SRPK2: variants seen among roughly 807,000 people sequenced by gnomAD.
SRPK2 encodes SRSF protein kinase 2.
Under a neutral mutation model 90.8 loss-of-function variants are expected in SRPK2, and 21 were observed. That is an observed-to-expected ratio of 0.23 (90% CI 0.16 to 0.33). The LOEUF (loss-of-function observed/expected upper bound fraction) is 0.33. Ranked by LOEUF, SRPK2 falls within the 10% of genes least tolerant of loss-of-function variation. The pLI, the probability that SRPK2 is intolerant of heterozygous loss-of-function variation, is 1.00. For synonymous variants in SRPK2, 288 were observed against 311.1 expected (o/e 0.93, Z 0.78); for missense variants, 620 against 869.0 (o/e 0.71, Z 3.60).
chr7:105,346,197 A>C (rs1204078), intron 2 of SRPK2, among the ~76,000 whole-genome samples: 1 of 151,852 alleles, frequency 6.6e-6, no homozygotes, highest in African/African-American at 2.4e-5. Context: ...AAAGTTTTTT[A>C]AAAAATTCCT....
chr7:105,166,757 TAG>T (rs1257288804), intron 6 of SRPK2, among the ~76,000 whole-genome samples: 1 of 152,180 alleles, frequency 6.6e-6, no homozygotes, highest in Non-Finnish European at 1.5e-5. Context: ...TTTTGCAATA[TAG>T]ATAACCAGGA....
chr7:105,326,913 A>G (rs1223569606), intron 2 of SRPK2, among the ~76,000 whole-genome samples: 2 of 152,052 alleles, frequency 1.3e-5, no homozygotes, highest in South Asian at 2.1e-4. Flanking sequence ...AATACAAAAA[A>G]TTACCCAGGA....
intron 2 of SRPK2, among the ~76,000 whole-genome samples, chr7:105,364,768 A>G (rs1475186636): frequency 6.6e-6 from 1 of 152,166 alleles, no homozygotes; most frequent in Non-Finnish European, 1.5e-5. Context: ...TTTGGGGGCA[A>G]GTAAACTACT....
intron 2 of SRPK2, among the ~76,000 whole-genome samples, chr7:105,230,286 T>C (rs1358609754): frequency 6.6e-6 from 1 of 152,098 alleles, no homozygotes; most frequent in East Asian, 1.9e-4. Flanking sequence ...GAGGGAGCAG[T>C]AACAAGAACA....
intron 2 of SRPK2, among the ~76,000 whole-genome samples, chr7:105,206,973 C>G (rs1161599105): frequency 6.6e-6 from 1 of 152,178 alleles, no homozygotes; most frequent in African/African-American, 2.4e-5. Context: ...CACCAATACT[C>G]AAATCACTCA....
At chr7:105,141,123 C>T (rs1453353510) in intron 11 of SRPK2, among the ~76,000 whole-genome samples, 6 of 152,288 alleles carry the variant, frequency 3.9e-5, no homozygotes, top group Admixed American at 2.6e-4. Context: ...GAGCTGACCA[C>T]GTCCAGCCAA....
At chr7:105,269,995 A>AT (rs950022446) in intron 2 of SRPK2, among the ~76,000 whole-genome samples, 17 of 152,164 alleles carry the variant, frequency 1.1e-4, no homozygotes, top group Non-Finnish European at 1.6e-4. Flanking sequence ...AGTAAAGCAA[A>AT]TTTTTTTTAA....
intron 2 of SRPK2, among the ~76,000 whole-genome samples, chr7:105,342,698 C>T (rs1815971323): frequency 6.6e-6 from 1 of 152,304 alleles, no homozygotes; most frequent in Non-Finnish European, 1.5e-5. Flanking sequence ...ATATACGCTG[C>T]TTTTCTCTCA....
chr7:105,289,306 A>G (rs944235521), intron 2 of SRPK2, among the ~76,000 whole-genome samples: 1 of 151,914 alleles, frequency 6.6e-6, no homozygotes, highest in African/African-American at 2.4e-5. Flanking sequence ...ATAAAAAATA[A>G]CTTCCTTCCA....
At chr7:105,219,509 G>C (rs1189312590) in intron 2 of SRPK2, among the ~76,000 whole-genome samples, 1 of 152,110 alleles carries the variant, frequency 6.6e-6, no homozygotes, top group African/African-American at 2.4e-5. Flanking sequence ...ACTAGGTTCT[G>C]CTCCTATATG....
At chr7:105,306,778 G>A in intron 2 of SRPK2, 4 of 196,932 alleles carry the variant, frequency 2.0e-5, no homozygotes, top group South Asian at 7.9e-5. Context: ...AAATTTCTCA[G>A]AATTAAAAGT....
At chr7:105,391,183 A>AATTT (rs67760645), upstream of SRPK2, among the ~76,000 whole-genome samples, 11,622 of 148,360 alleles carry the variant, frequency 0.078, 500 homozygotes, top group East Asian at 0.1. Context: ...ATGACTATAA[A>AATTT]ATTTATTTAT....
chr7:105,254,117 A>G (rs958157685), intron 2 of SRPK2, among the ~76,000 whole-genome samples: 4 of 152,242 alleles, frequency 2.6e-5, no homozygotes, highest in African/African-American at 4.8e-5. Context: ...GACTGAATAT[A>G]AGAATCTATT....
intron 8 of SRPK2, among the ~76,000 whole-genome samples, chr7:105,146,152 C>T (rs928623321): frequency 5.9e-5 from 9 of 152,102 alleles, no homozygotes; most frequent in Admixed American, 4.6e-4. Flanking sequence ...AAAATTGAAG[C>T]CAGAAAAATA....
At chr7:105,156,694 C>T (rs1376726577) in intron 7 of SRPK2, among the ~76,000 whole-genome samples, 2 of 152,040 alleles carry the variant, frequency 1.3e-5, no homozygotes, top group Admixed American at 1.3e-4. Flanking sequence ...GGTAGAGACA[C>T]GGTCTTGCGA....
chr7:105,244,752 C>T, intron 2 of SRPK2: 1 of 1,024,758 alleles, frequency 9.8e-7, no homozygotes, highest in East Asian at 2.4e-5. Context: ...GGGCGTCTGA[C>T]CAAACACACC....
intron 2 of SRPK2, among the ~76,000 whole-genome samples, chr7:105,262,446 C>T (rs1804433503): frequency 6.6e-6 from 1 of 152,136 alleles, no homozygotes; most frequent in Non-Finnish European, 1.5e-5. Flanking sequence ...CCAAGGCGGA[C>T]GGCTAAGCAT....
At chr7:105,343,920 A>G (rs1226515964) in intron 2 of SRPK2, among the ~76,000 whole-genome samples, 1 of 151,628 alleles carries the variant, frequency 6.6e-6, no homozygotes. Flanking sequence ...GCGCCACCAC[A>G]CCCGGCTAAT....
chr7:105,278,971 A>C (rs1189517993), intron 2 of SRPK2, among the ~76,000 whole-genome samples: 2 of 152,186 alleles, frequency 1.3e-5, no homozygotes, highest in Non-Finnish European at 2.9e-5. Flanking sequence ...AAATAAGTAC[A>C]TATTTTCTAT....
Sources: allele counts gnomAD v4.1 joint callset (sites outside exome capture counted in the v4.1 genomes callset), GRCh38; gene constraint gnomAD v4.1.1; transcripts MANE v1.5; gene names NCBI Gene and HGNC (gene_info 2026-07-23, HGNC 2026-07-21).